MAMDC2: variants seen among roughly 807,000 people sequenced by gnomAD.
The protein encoded by MAMDC2 is MAM domain containing 2.
MAMDC2 carries 57 observed loss-of-function variants against 89.8 expected under a neutral mutation model. That is an observed-to-expected ratio of 0.63 (90% CI 0.51 to 0.79). The LOEUF (loss-of-function observed/expected upper bound fraction) is 0.79, where lower values mean the gene tolerates loss of function less well. Among genes scored for constraint, MAMDC2 ranks in the 30% least tolerant of loss-of-function variants. The pLI is 0.00. For synonymous variants in MAMDC2, 313 were observed against 293.4 expected, an observed-to-expected ratio of 1.07 and a Z score of -0.68; for missense variants, 800 against 820.6, an observed-to-expected ratio of 0.97 and a Z score of 0.31.
Position 70,226,311 on chromosome 9 carries a change from A to C in MAMDC2, c.*279A>C, listed in dbSNP as rs2033639432. 1 of 206,502 alleles carries C rather than the reference A, an allele frequency of 4.8e-6. No homozygotes were observed. The highest frequency in any genetic ancestry group is 1.1e-4 in the East Asian group (1 of 9,280). 12.8% of individuals were successfully genotyped at this position (206,502 alleles called of 1,614,324 possible). A position where few individuals can be genotyped will look rare whatever the true frequency, so the allele number is the denominator to read the frequency against. On this transcript the variant is annotated 3_prime_UTR_variant, in exon 14 of 14. Transcript: ENST00000377182. ...TAAAAATACAAATGTACTATATTGTAGTCATTTTAAAGTACACAAAGGGCA... is the reference window on the plus strand; with the variant it reads ...TAAAAATACAAATGTACTATATTGTCGTCATTTTAAAGTACACAAAGGGCA...
At chr9:70,109,510 T>TGTGCACATGCGC (rs1370551871) in intron 3 of MAMDC2, among the ~76,000 whole-genome samples, 17 of 152,244 alleles carry the variant, frequency 1.1e-4, no homozygotes. Flanking sequence ...TATGAGTTTA[T>TGTGCACATGCGC]GTGCACATGC....
At chr9:70,212,395 G>C (rs2033372342) in intron 11 of MAMDC2, among the ~76,000 whole-genome samples, 2 of 152,236 alleles carry the variant, frequency 1.3e-5, no homozygotes, top group Non-Finnish European at 2.9e-5. Flanking sequence ...TTAGCAGTGA[G>C]CGAGGCTCTG....
chr9:70,071,625 G>C (rs1452538215), intron 2 of MAMDC2: 6 of 152,110 alleles, frequency 3.9e-5, no homozygotes, highest in African/African-American at 1.4e-4. Context: ...GTAAGATAAA[G>C]CCAAAGAAAG....
In MAMDC2 at chr9:70,083,537, A is replaced by G. The variant is rs555228597; in HGVS notation, c.149-24674A>G. ...CCACTTATGACAATCTATTCTGTAT[A>G]AAAGCAATAAGTCACATGTCAGAAG... On this transcript the variant is annotated intron_variant, in intron 2 of 13. Coordinates refer to ENST00000377182, the MANE Select transcript of MAMDC2 (RefSeq NM_153267.5). The G allele has an allele frequency of 2.0e-5, 3 of 152,220 alleles. No homozygotes were observed. In the South Asian group the frequency reaches 6.2e-4, roughly 32 times the overall value. The allele number at this position is 152,220 out of a possible 1,614,324, so 9.4% of individuals were successfully genotyped here.
chr9:70,171,931 G>A (rs1458361169), intron 11 of MAMDC2: 1 of 152,118 alleles, frequency 6.6e-6, no homozygotes, highest in African/African-American at 2.4e-5. Flanking sequence ...TGCAACCTGT[G>A]GGCTGCAGTT....
rs2032250270 is a variant in MAMDC2 at position 70,168,947 on chromosome 9, A to G, written c.1498+152A>G. ...GCAGAGCTGTGTAGCAGGCTTTGAAATTTAGAAATGATGATTCCAGTGTAA... is the reference window on the plus strand; with the variant it reads ...GCAGAGCTGTGTAGCAGGCTTTGAAGTTTAGAAATGATGATTCCAGTGTAA... On this transcript the variant is annotated intron_variant, in intron 10 of 13. Coordinates refer to ENST00000377182, the MANE Select transcript of MAMDC2 (RefSeq NM_153267.5). 4.7e-6 allele frequency: 3 copies of G among 632,022 alleles called. No individual in the cohort carries two copies. The East Asian group carries it at 8.4e-5, about 18-fold the overall frequency. The allele number at this position is 632,022 out of a possible 1,614,324, so 39.2% of individuals were successfully genotyped here.
intron 11 of MAMDC2, among the ~76,000 whole-genome samples, chr9:70,199,305 G>A (rs1016459986): frequency 1.1e-4 from 15 of 141,540 alleles, no homozygotes; most frequent in Non-Finnish European, 2.1e-4. Context: ...GCGGTGTTTG[G>A]TTTTTTGATC....
chr9:70,073,076 C>A (rs531212719), intron 2 of MAMDC2, among the ~76,000 whole-genome samples: 105 of 152,302 alleles, frequency 6.9e-4, no homozygotes, highest in Middle Eastern at 6.8e-3. Flanking sequence ...CTCAAGTGAT[C>A]CCCCACCTTG....
rs2975918 is a variant in MAMDC2, at chr9:70,049,776, G to T, written c.148+5079G>T. 6.8e-3 allele frequency among the ~76,000 whole-genome samples: 1,033 copies of T among 152,256 alleles called. 16 individuals are homozygous for T. The highest frequency in any genetic ancestry group is 0.024 in the African/African-American group (979 of 41,558). ...CTTGCAGTATCACATGCCATTTCCC[G>T]CTGCTGCCCTGGCTGTGACTGCTCT... On this transcript the variant is annotated intron_variant, in intron 2 of 13. Coordinates refer to ENST00000377182, the MANE Select transcript of MAMDC2 (RefSeq NM_153267.5).
intron 5 of MAMDC2, among the ~76,000 whole-genome samples, chr9:70,121,367 C>CT (rs1166491817): frequency 7.2e-5 from 11 of 152,184 alleles, no homozygotes; most frequent in African/African-American, 1.9e-4. Flanking sequence ...GGCAGCATGA[C>CT]TGAGAACTGT....
chr9:70,210,778 C>T (rs2033339588), intron 11 of MAMDC2, among the ~76,000 whole-genome samples: 1 of 141,744 alleles, frequency 7.1e-6, no homozygotes, highest in African/African-American at 2.6e-5. Flanking sequence ...CCGGTTGTTC[C>T]TTTTCATGTT....
chr9:70,091,530 A>T (rs1026569192), intron 2 of MAMDC2, among the ~76,000 whole-genome samples: 1 of 152,140 alleles, frequency 6.6e-6, no homozygotes, highest in Non-Finnish European at 1.5e-5. Context: ...AAATCAAATA[A>T]TTTTTTTAGT....
At chr9:70,072,179 A>G (rs1827424295) in intron 2 of MAMDC2, among the ~76,000 whole-genome samples, 1 of 152,178 alleles carries the variant, frequency 6.6e-6, no homozygotes, top group South Asian at 2.1e-4. Context: ...ACTGACCCTC[A>G]CCTAGTTTAT....
Position 70,209,662 on chromosome 9 carries a change from C to T in MAMDC2, c.1652-8675C>T, listed in dbSNP as rs962096881. Among the ~76,000 whole-genome samples the T allele has an allele frequency of 1.1e-4, 17 of 152,252 alleles. No homozygotes were observed. In the East Asian group the frequency reaches 1.5e-3, roughly 14 times the overall value. The stretch of plus-strand genomic sequence containing the variant: ...AGTTCCGCTCTGATCTTAGTTATTT[C>T]TTGCCTTCTGCTAGCTTTTGAATGT... On this transcript the variant is annotated intron_variant, in intron 11 of 13. Transcript: ENST00000377182.
chr9:70,226,045 A>G lies in MAMDC2; in HGVS notation c.*13A>G. On this transcript the variant is annotated 3_prime_UTR_variant, in exon 14 of 14. Coordinates refer to ENST00000377182, the MANE Select transcript of MAMDC2 (RefSeq NM_153267.5). ...AATTGAGTATTAAGAAATGATCTGC[A>G]TTGGATTTACTAGACGAAAACCATA... 1.3e-6 allele frequency: 2 copies of G among 1,498,458 alleles called. No homozygotes were observed. The highest frequency in any genetic ancestry group is 1.8e-6 in the Non-Finnish European group (2 of 1,095,540). The allele number at this position is 1,498,458 out of a possible 1,614,324, so 92.8% of individuals were successfully genotyped here.
intron 2 of MAMDC2, among the ~76,000 whole-genome samples, chr9:70,050,649 T>A (rs746045696): frequency 9.2e-5 from 14 of 152,356 alleles, no homozygotes; most frequent in Non-Finnish European, 1.8e-4. Flanking sequence ...ACTTGATGTG[T>A]CTTTTATCAA....
intron 2 of MAMDC2, among the ~76,000 whole-genome samples, chr9:70,066,585 G>A (rs1025692223): frequency 3.9e-5 from 6 of 152,144 alleles, no homozygotes; most frequent in African/African-American, 9.7e-5. Flanking sequence ...GGTTACTGCA[G>A]GGCCATGGTG....
intron 2 of MAMDC2, chr9:70,090,747 G>A (rs534179590): frequency 1.3e-5 from 2 of 152,100 alleles, no homozygotes; most frequent in African/African-American, 2.4e-5. Context: ...GTTCCCTTTC[G>A]AGGGTCTTCT....
chr9:70,154,439 G>A (rs1165984633), intron 9 of MAMDC2, among the ~76,000 whole-genome samples: 2 of 152,000 alleles, frequency 1.3e-5, no homozygotes, highest in African/African-American at 4.8e-5. Context: ...GTCCTACAAG[G>A]AATTTTAGTG....
Sources: gnomAD v4.1 joint callset for allele counts (sites outside exome capture counted in the v4.1 genomes callset) on GRCh38, gnomAD v4.1.1 for gene constraint, MANE v1.5 for transcripts, NCBI Gene and HGNC (gene_info 2026-07-23, HGNC 2026-07-21) for gene names.